The following ZNF469 variants were observed in gnomAD, a reference collection of about 807,000 sequenced individuals.
The protein encoded by ZNF469 is zinc finger protein 469.
Under a neutral mutation model 1.0 loss-of-function variants are expected in ZNF469, and 1 was observed. That is an observed-to-expected ratio of 1.00 (90% CI 0.35 to 4.73). The LOEUF is 4.73. ZNF469 is among the 30% of genes most tolerant of loss of function. The pLI is 0.16. For synonymous variants in ZNF469, 2,703 were observed against 2,363.4 expected (o/e 1.14, Z -4.17); for missense variants, 6,100 against 5,356.3 (o/e 1.14, Z -4.33).
rs1308603013 is a variant in ZNF469 at position 88,429,166 on chromosome 16, G to A, written c.1696G>A (p.Ala566Thr). The change falls in exon 3 of 3, where the codon GCC becomes ACC. Residue 566 changes from alanine (A) to threonine (T), a missense_variant. Physicochemically the swap from Ala to Thr is moderately conservative, Grantham distance 58 (BLOSUM62 0). Coordinates refer to ENST00000565624, the MANE Select transcript of ZNF469 (RefSeq NM_001367624.2). ...GGCTCAGCCCCTGTTCTTCGGGGTG[G>A]CCCAGCCCCAGGTTTCACCCCACGG... ...PGAQPLFFGV[A>T]QPQVSPHGTP... is the part of the protein sequence containing the mutation. The A allele has an allele frequency of 5.2e-6, 8 of 1,549,868 alleles. No homozygotes were observed. Among genetic ancestry groups the A allele is most frequent in the Middle Eastern group, 1.7e-4 (1 of 5,992 alleles).
the ZNF469 span, among the ~76,000 whole-genome samples, chr16:88,208,772 TGCGCGC>T: frequency 2.0e-4 from 13 of 64,818 alleles, no homozygotes; most frequent in Admixed American, 9.3e-4. Flanking sequence ...TAAATGCGCG[TGCGCGC>T]GCACACACAC....
the ZNF469 span, among the ~76,000 whole-genome samples, chr16:88,352,479 G>A: frequency 3.3e-5 from 5 of 152,218 alleles, no homozygotes; most frequent in East Asian, 1.9e-4. Context: ...TGGTGCTGAC[G>A]GGCACGGAAG....
chr16:88,292,680 A>T, the ZNF469 span, among the ~76,000 whole-genome samples: 2 of 150,852 alleles, frequency 1.3e-5, no homozygotes, highest in Admixed American at 6.6e-5. Context: ...AAGTCTGCCC[A>T]TTGTGAAGCG....
the ZNF469 span, among the ~76,000 whole-genome samples, chr16:88,252,014 T>C: frequency 1.3e-5 from 2 of 150,406 alleles, no homozygotes; most frequent in Non-Finnish European, 3.0e-5. Flanking sequence ...TTGCTTCCAG[T>C]GAGTACTCCT....
the ZNF469 span, among the ~76,000 whole-genome samples, chr16:88,102,455 T>C: frequency 1.3e-5 from 2 of 152,202 alleles, no homozygotes; most frequent in African/African-American, 2.4e-5. Flanking sequence ...TGAGCCGAGA[T>C]TGCACCATTG....
At chr16:88,144,935 C>T in the ZNF469 span, among the ~76,000 whole-genome samples, 14 of 151,226 alleles carry the variant, frequency 9.3e-5, no homozygotes, top group East Asian at 2.0e-4. Flanking sequence ...CTGCAACCTC[C>T]GCCTTCCGGG....
At chr16:88,288,314 G>A in the ZNF469 span, among the ~76,000 whole-genome samples, 1 of 152,180 alleles carries the variant, frequency 6.6e-6, no homozygotes, top group African/African-American at 2.4e-5. Flanking sequence ...CGCATGTTGA[G>A]AACTTGGATG....
the ZNF469 span, among the ~76,000 whole-genome samples, chr16:88,233,730 G>A: frequency 4.6e-5 from 7 of 152,372 alleles, no homozygotes; most frequent in East Asian, 1.9e-4. Flanking sequence ...TGGCTGTGCC[G>A]AGGTGCCTGG....
At chr16:88,260,631 G>A in the ZNF469 span, among the ~76,000 whole-genome samples, 8 of 152,120 alleles carry the variant, frequency 5.3e-5, no homozygotes, top group Non-Finnish European at 7.3e-5. This position sits in a 1 kb window ranked among gnomAD's most constrained non-coding sequence, Gnocchi z 4.1. Flanking sequence ...TCATGCTCGC[G>A]GCTCCGTGTT....
At chr16:88,252,320 A>G in the ZNF469 span, among the ~76,000 whole-genome samples, 1 of 150,400 alleles carries the variant, frequency 6.6e-6, no homozygotes, top group Non-Finnish European at 1.5e-5. Context: ...TCTCACTGCC[A>G]AGATCTCCCC....
chr16:88,207,690 C>T, the ZNF469 span, among the ~76,000 whole-genome samples: 1 of 150,384 alleles, frequency 6.6e-6, no homozygotes, highest in Non-Finnish European at 1.5e-5. Flanking sequence ...CCCGGCCCTT[C>T]CAGCTTCTGG....
Position 88,424,025 on chromosome 16 carries a change from A to G in ZNF469, c.-191-782A>G, listed in dbSNP as rs1309141306. Among the ~76,000 whole-genome samples the G allele has an allele frequency of 2.0e-5, 3 of 152,246 alleles. No individual in the cohort carries two copies. The highest frequency in any genetic ancestry group is 7.2e-5 in the African/African-American group (3 of 41,466). ...CCATCACGGAGACTGACAATTGGAC[A>G]ATCTCCTTCCAAAGTCAAACGCAGG... On this transcript the variant is annotated intron_variant, in intron 1 of 2. Transcript: ENST00000565624. This position sits in a 1 kb window ranked among gnomAD's most constrained non-coding sequence, Gnocchi z 4.3.
intron 1 of ZNF469, among the ~76,000 whole-genome samples, chr16:88,414,502 G>A (rs1006811580): frequency 6.6e-6 from 1 of 152,234 alleles, no homozygotes; most frequent in African/African-American, 2.4e-5. Flanking sequence ...GCAGCCTCCC[G>A]GGAGAGAGCC....
At chr16:88,260,930 C>T in the ZNF469 span, among the ~76,000 whole-genome samples, 4 of 152,126 alleles carry the variant, frequency 2.6e-5, no homozygotes, top group East Asian at 3.9e-4. The surrounding 1 kb of genome is among the most constrained non-coding windows in gnomAD (Gnocchi z 4.1). Context: ...TGGCCACGGA[C>T]GCAGACTCTG....
At chr16:88,274,603 C>G in the ZNF469 span, among the ~76,000 whole-genome samples, 1 of 152,204 alleles carries the variant, frequency 6.6e-6, no homozygotes, top group East Asian at 1.9e-4. Context: ...GATTCTGGAT[C>G]GGGCTCTGGT....
chr16:88,382,370 C>T (rs367553519), upstream of ZNF469, among the ~76,000 whole-genome samples: 29 of 152,342 alleles, frequency 1.9e-4, no homozygotes, highest in East Asian at 1.9e-3. Context: ...GCCTGGATGG[C>T]TCCTAGCGCC....
chr16:88,184,171 C>T, the ZNF469 span, among the ~76,000 whole-genome samples: 7 of 152,016 alleles, frequency 4.6e-5, no homozygotes, highest in Non-Finnish European at 1.5e-5. Flanking sequence ...GAGAGCCTCA[C>T]GTGGCTGGGA....
chr16:88,341,349 G>A, the ZNF469 span, among the ~76,000 whole-genome samples: 1 of 152,166 alleles, frequency 6.6e-6, no homozygotes, highest in Non-Finnish European at 1.5e-5. Context: ...ACATGCGTTT[G>A]GAATCTTGCT....
the ZNF469 span, among the ~76,000 whole-genome samples, chr16:88,315,731 G>T: frequency 1.3e-5 from 2 of 152,294 alleles, no homozygotes; most frequent in South Asian, 4.1e-4. Flanking sequence ...AGCCCCCAGG[G>T]TTCAAAGGAC....
Sources: allele counts gnomAD v4.1 joint callset (sites outside exome capture counted in the v4.1 genomes callset), GRCh38; gene constraint gnomAD v4.1.1; non-coding constraint Gnocchi (gnomAD v3.1); transcripts MANE v1.5; gene names NCBI Gene and HGNC (gene_info 2026-07-23, HGNC 2026-07-21).